The following DTD1 variants were observed in gnomAD, a reference collection of about 807,000 sequenced individuals.
The protein encoded by DTD1 is D-aminoacyl-tRNA deacylase 1, also known as D-tyrosyl-tRNA deacylase 1 homolog.
Under a neutral mutation model 25.6 loss-of-function variants are expected in DTD1, and 13 were observed. The observed-to-expected ratio is 0.51, with a 90% CI of 0.33 to 0.81. DTD1 has a LOEUF of 0.81. DTD1 is among the 30% of genes least tolerant of loss of function. The probability of loss-of-function intolerance (pLI) is 0.02; values close to 1 mark genes in which losing one functional copy is unlikely to be tolerated. For synonymous variants in DTD1, 110 were observed against 103.6 expected (o/e 1.06, Z -0.37); for missense variants, 193 against 266.4 (o/e 0.72, Z 1.92).
In DTD1 at chr20:18,744,288, T is replaced by G. The variant is rs535816016; in HGVS notation, c.*19+17T>G. 4.4e-6 allele frequency: 7 copies of G among 1,607,414 alleles called. No individual in the cohort carries two copies. In the East Asian group the frequency reaches 1.6e-4, roughly 36 times the overall value. On this transcript the variant is annotated intron_variant, in intron 5 of 5. Transcript: ENST00000377452. ...AGAATTCAGGTAGGAGTTTCCCTGC[T>G]TGGCTTCATCTTCCCACATTTTGGG...
rs773669448 is a variant in DTD1 at position 18,680,352 on chromosome 20, CT to C, written c.477+52135del. ...GGTGTGTGCCACCATGACTGGCTAA[CT>C]TTTTTTTTTTTTTTTAATTTTGTAG... On this transcript the variant is annotated intron_variant, in intron 4 of 5. Transcript: ENST00000377452. 6.3e-3 allele frequency among the ~76,000 whole-genome samples: 836 copies of C among 133,668 alleles called. 2 individuals are homozygous for C. The highest frequency in any genetic ancestry group is 0.018 in the East Asian group (81 of 4,514). The allele number at this position is 133,668 out of a possible 152,430, so 87.7% of individuals were successfully genotyped here.
chr20:18,738,326 G>A (rs1227788914), intron 4 of DTD1, among the ~76,000 whole-genome samples: 2 of 152,198 alleles, frequency 1.3e-5, no homozygotes, highest in African/African-American at 4.8e-5. Flanking sequence ...TCTTGTTTAT[G>A]TCCATGGGCA....
At chr20:18,691,144 T>C (rs2061045376) in intron 4 of DTD1, among the ~76,000 whole-genome samples, 1 of 152,194 alleles carries the variant, frequency 6.6e-6, no homozygotes, top group African/African-American at 2.4e-5. Flanking sequence ...GAAAAGAAAA[T>C]GCTTATACCT....
intron 4 of DTD1, among the ~76,000 whole-genome samples, chr20:18,717,944 G>T (rs532061081): frequency 1.3e-5 from 2 of 152,300 alleles, no homozygotes; most frequent in African/African-American, 4.8e-5. Context: ...CAGGATTAAA[G>T]ATTTAGAATG....
At chr20:18,732,846 G>T (rs767030573) in intron 4 of DTD1, among the ~76,000 whole-genome samples, 1 of 152,208 alleles carries the variant, frequency 6.6e-6, no homozygotes, top group Non-Finnish European at 1.5e-5. Context: ...TAAGTGCCTT[G>T]CAGGGTGGGG....
At chr20:18,695,539 C>A (rs2061071530) in intron 4 of DTD1, among the ~76,000 whole-genome samples, 2 of 22,560 alleles carry the variant, frequency 8.9e-5, no homozygotes, top group Non-Finnish European at 1.9e-4. Context: ...CCCTTCCTTT[C>A]CCTTCCCTTC....
intron 5 of DTD1, among the ~76,000 whole-genome samples, chr20:18,759,000 C>T (rs530549295): frequency 6.6e-5 from 10 of 152,260 alleles, no homozygotes; most frequent in South Asian, 4.1e-4. Context: ...TGGCCTTCTT[C>T]GTCTCTTTTG....
At chr20:18,655,444 T>C (rs368996800) in intron 4 of DTD1, among the ~76,000 whole-genome samples, 2 of 151,884 alleles carry the variant, frequency 1.3e-5, no homozygotes, top group East Asian at 1.9e-4. Flanking sequence ...ATTATGGCAA[T>C]TTTTTTCTGA....
At chr20:18,756,574 A>G (rs2061340186) in intron 5 of DTD1, among the ~76,000 whole-genome samples, 1 of 152,158 alleles carries the variant, frequency 6.6e-6, no homozygotes, top group Non-Finnish European at 1.5e-5. Context: ...AAGATCAGAT[A>G]GTTGTAGATG....
intron 4 of DTD1, among the ~76,000 whole-genome samples, chr20:18,705,780 A>G (rs764002770): frequency 3.9e-5 from 6 of 152,146 alleles, no homozygotes; most frequent in Non-Finnish European, 8.8e-5. Context: ...GGTTGGAAAC[A>G]TTGTTGGAAT....
chr20:18,596,321 A>G, intron 3 of DTD1, 80 bp downstream of exon 3: 1 of 1,190,864 alleles, frequency 8.4e-7, no homozygotes, highest in Non-Finnish European at 1.2e-6. Flanking sequence ...CAACTGCAGC[A>G]TCTCCTTTTC....
At position 18,631,306 on chromosome 20, in the gene DTD1, C is replaced by T. The variant is rs946325032; in HGVS notation, c.477+3073C>T. 2.4e-5 allele frequency: 24 copies of T among 984,044 alleles called. No individual in the cohort carries two copies. In the African/African-American group the frequency reaches 4.0e-4, roughly 16 times the overall value. The allele number at this position is 984,044 out of a possible 1,614,324, so 61.0% of individuals were successfully genotyped here. ...AATATTACAAATTTCAAGGTGGTGA[C>T]ATAGAGCATAAAACGAAAGGTGGGG... is the stretch of plus-strand genomic sequence containing the variant. On this transcript the variant is annotated intron_variant, in intron 4 of 5. Transcript: ENST00000377452.
rs186619854 is a variant in DTD1 at position 18,614,795 on chromosome 20, C to G, written c.371-13332C>G. Among the ~76,000 whole-genome samples, 91 of 152,050 alleles carry G rather than the reference C, an allele frequency of 6.0e-4. 1 individual carries two copies. The highest frequency in any genetic ancestry group is 3.4e-3 in the Middle Eastern group (1 of 294). ...GCTCCCTAGGCTTGCACACATTTTC[C>G]CTTCTCCCTCCCTCTCTCCCTTCCT... On this transcript the variant is annotated intron_variant, in intron 3 of 5. Transcript: ENST00000377452.
chr20:18,737,926 A>G (rs1600398018), intron 4 of DTD1, among the ~76,000 whole-genome samples: 1 of 152,182 alleles, frequency 6.6e-6, no homozygotes, highest in Non-Finnish European at 1.5e-5. Flanking sequence ...CCATGAAGAC[A>G]AGTGTGCGGC....
At chr20:18,598,239 T>G (rs1192884185) in intron 3 of DTD1, among the ~76,000 whole-genome samples, 2 of 152,140 alleles carry the variant, frequency 1.3e-5, no homozygotes, top group South Asian at 2.1e-4. Flanking sequence ...TTTGGTTTTC[T>G]GTTCTTGTGA....
chr20:18,717,114 A>G (rs1402841703), intron 4 of DTD1, among the ~76,000 whole-genome samples: 3 of 152,224 alleles, frequency 2.0e-5, no homozygotes, highest in African/African-American at 7.2e-5. Flanking sequence ...AAGTTATTGC[A>G]TTAAACACAG....
chr20:18,693,743 G>A (rs2061058742), intron 4 of DTD1, among the ~76,000 whole-genome samples: 1 of 151,746 alleles, frequency 6.6e-6, no homozygotes, highest in Non-Finnish European at 1.5e-5. Flanking sequence ...CCTTAACCAA[G>A]CACCTTGAAA....
rs577336616 is a variant in DTD1 at position 18,732,737 on chromosome 20, G to A, written c.478-11363G>A. Among the ~76,000 whole-genome samples, 7 of 152,326 alleles carry A rather than the reference G, an allele frequency of 4.6e-5. No individual in the cohort carries two copies. The East Asian group carries it at 1.4e-3, about 29-fold the overall frequency. The stretch of plus-strand genomic sequence containing the variant: ...TACTAGAGTGTATCGTTTGTCACAC[G>A]TATGGAGTACTGGTTTTCAAAGAAT... On this transcript the variant is annotated intron_variant, in intron 4 of 5. Coordinates refer to ENST00000377452, the MANE Select transcript of DTD1 (RefSeq NM_080820.6).
intron 4 of DTD1, among the ~76,000 whole-genome samples, chr20:18,629,296 C>CTTTTT (rs35174616): frequency 0.015 from 1,012 of 69,234 alleles, 59 homozygotes; most frequent in Non-Finnish European, 0.017. Flanking sequence ...TGTGCTCGGC[C>CTTTTT]TTTTTTTTTT....
Sources: allele counts gnomAD v4.1 joint callset (sites outside exome capture counted in the v4.1 genomes callset), GRCh38; gene constraint gnomAD v4.1.1; transcripts MANE v1.5; gene names NCBI Gene and HGNC (gene_info 2026-07-23, HGNC 2026-07-21).